Variants in NKX6-3 observed in about 807,000 individuals in gnomAD.
The protein encoded by NKX6-3 is homeobox protein Nkx-6.3.
In NKX6-3, 17 loss-of-function variants were observed where a neutral mutation model predicts 22.0. The ratio of observed to expected loss-of-function variants is 0.77; its 90% CI spans 0.53 to 1.16. NKX6-3 has a LOEUF of 1.16. NKX6-3 is among the 50% of genes most tolerant of loss of function. NKX6-3 has a pLI of 0.00. For missense variants in NKX6-3, 363 were observed against 359.0 expected (o/e 1.01, Z -0.09); for synonymous variants, 177 against 167.2 (o/e 1.06, Z -0.45).
intron 1 of NKX6-3, among the ~76,000 whole-genome samples, chr8:41,649,149 C>T (rs567070032): frequency 1.9e-4 from 29 of 152,256 alleles, no homozygotes; most frequent in African/African-American, 6.5e-4. Context: ...AGAGAGGAGG[C>T]CTTCACCCCC....
Position 41,646,624 on chromosome 8 carries a change from C to T in NKX6-3, c.623G>A (p.Arg208Gln), listed in dbSNP as rs376394761. The T allele has an allele frequency of 2.0e-4, 310 of 1,558,118 alleles. No homozygotes were observed. The African/African-American group carries it at 3.6e-3, about 18-fold the overall frequency. ...GCCTGCACCCGCGCCGCCCGGGGCCCGGGGCGTGGAGGACGAGGGCTCCAG... is the reference window on the plus strand; with the variant it reads ...GCCTGCACCCGCGCCGCCCGGGGCCTGGGGCGTGGAGGACGAGGGCTCCAG... ...SALEPSSSTP[R>Q]APGGAGAGAG... Residue 208 changes from arginine to glutamine, a missense_variant, in exon 3 of 3, where the codon CGG becomes CAG. Arg to Gln is a conservative substitution (Grantham distance 43, BLOSUM62 1). Coordinates refer to ENST00000518699, the MANE Select transcript of NKX6-3 (RefSeq NM_001364841.2).
rs1276390462 is a variant in NKX6-3 at position 41,648,005 on chromosome 8, TG to T, written c.552+60del. 8 of 1,437,500 alleles carry T rather than the reference TG, an allele frequency of 5.6e-6. 1 individual carries two copies. The African/African-American group carries it at 9.8e-5, about 18-fold the overall frequency. The allele number at this position is 1,437,500 out of a possible 1,614,324, so 89.0% of individuals were successfully genotyped here. On this transcript the variant is annotated intron_variant, in intron 2 of 2. Transcript: ENST00000518699. ...GTGTGGCCACCTCTCTCCAACGCAG[TG>T]GCCTCCTGTCCGGCAGGCTCCTCCC...
Position 41,650,372 on chromosome 8 carries a change from G to A in NKX6-3, c.121C>T (p.Pro41Ser), listed in dbSNP as rs751853278. 8 of 1,535,144 alleles carry A rather than the reference G, an allele frequency of 5.2e-6. No homozygotes were observed. The highest frequency in any genetic ancestry group is 2.7e-5 in the African/African-American group (2 of 73,146). ...VQNSFYKLSP[P>S]GLGPQLAAGT... ...GCGGCCAGCTGGGGGCCCAGCCCTG[G>A]GGGGCTGAGCTTGTAGAAGGAGTTC... Residue 41 changes from proline to serine, a missense_variant, in exon 1 of 3, where the codon CCA becomes TCA. Physicochemically the swap from Pro to Ser is moderately conservative, Grantham distance 74. Coordinates refer to ENST00000518699, the MANE Select transcript of NKX6-3 (RefSeq NM_001364841.2).
In NKX6-3 at chr8:41,650,341, G is replaced by A. The variant is rs766706383; in HGVS notation, c.152C>T (p.Thr51Ile). 7.6e-5 allele frequency: 117 copies of A among 1,534,888 alleles called. No individual in the cohort carries two copies. Among genetic ancestry groups the A allele is most frequent in the Non-Finnish European group, 9.7e-5 (111 of 1,146,300 alleles). The change falls in exon 1 of 3, where the codon ACC becomes ATC. Residue 51 changes from threonine (T) to isoleucine (I), a missense_variant. Physicochemically the swap from Thr to Ile is moderately conservative, Grantham distance 89. Around this residue, in one of 3 missense-constraint regions of NKX6-3, gnomAD observed 175 missense variants for 160.9 expected, o/e 1.09. Coordinates refer to ENST00000518699, the MANE Select transcript of NKX6-3 (RefSeq NM_001364841.2). ...PGLGPQLAAG[T>I]PHGITDILSR... is the part of the protein sequence containing the mutation. ...CAGGATGTCCGTGATCCCGTGGGGG[G>A]TTCCGGCGGCCAGCTGGGGGCCCAG...
chr8:41,650,623 A>C lies in NKX6-3; in HGVS notation c.-131T>G. 3 of 938,674 alleles carry C rather than the reference A, an allele frequency of 3.2e-6. No individual in the cohort carries two copies. The highest frequency in any genetic ancestry group is 4.6e-6 in the Non-Finnish European group (3 of 645,752). The allele number at this position is 938,674 out of a possible 1,614,324, so 58.1% of individuals were successfully genotyped here. On this transcript the variant is annotated 5_prime_UTR_variant, in exon 1 of 3. Coordinates refer to ENST00000518699, the MANE Select transcript of NKX6-3 (RefSeq NM_001364841.2). ...CGAGCTCCTGACTGCCTCCCACCTA[A>C]GGCATGGGCCAGGCCCTGGCCCAGG... is the stretch of plus-strand genomic sequence containing the variant.
chr8:41,648,730 C>T (rs1322314502), intron 1 of NKX6-3, among the ~76,000 whole-genome samples: 4 of 152,222 alleles, frequency 2.6e-5, no homozygotes, highest in Admixed American at 2.0e-4. Context: ...TGCCACTTCC[C>T]CATGTCACCA....
At chr8:41,649,074 T>C (rs1223024613) in intron 1 of NKX6-3, among the ~76,000 whole-genome samples, 1 of 151,396 alleles carries the variant, frequency 6.6e-6, no homozygotes, top group Admixed American at 6.6e-5. Flanking sequence ...GAGGGGGAGA[T>C]GGAGGGAAGA....
rs1271860917 is a variant in NKX6-3, at chr8:41,646,574, C to T, written c.673G>A (p.Glu225Lys). 1 of 1,596,948 alleles carries T rather than the reference C, an allele frequency of 6.3e-7. No individual in the cohort carries two copies. The highest frequency in any genetic ancestry group is 1.7e-5 in the Admixed American group (1 of 57,476). Residue 225 changes from glutamate (E) to lysine (K), a missense_variant, in exon 3 of 3, where the codon GAG becomes AAG. By Grantham distance (56) the Glu-to-Lys change is moderately conservative. Coordinates refer to ENST00000518699, the MANE Select transcript of NKX6-3 (RefSeq NM_001364841.2). Reference protein sequence around the residue: ...AGAGGDRAPSENEDDEYNKPL... With the variant: ...AGAGGDRAPSKNEDDEYNKPL... ...TTGTTGTACTCGTCGTCCTCGTTCT[C>T]CGAGGGTGCGCGGTCCCCGCCTGCG... is the stretch of plus-strand genomic sequence containing the variant.
intron 1 of NKX6-3, among the ~76,000 whole-genome samples, chr8:41,648,630 AC>A (rs1304757694): frequency 6.6e-6 from 1 of 152,140 alleles, no homozygotes; most frequent in Non-Finnish European, 1.5e-5. Context: ...AATTCCCTCC[AC>A]CCCCGGCTTC....
In NKX6-3 at chr8:41,646,553, T is replaced by C. The variant is rs368688373; in HGVS notation, c.694A>G (p.Asn232Asp). 1 of 1,610,252 alleles carries C rather than the reference T, an allele frequency of 6.2e-7. No homozygotes were observed. Among genetic ancestry groups the C allele is most frequent in the Non-Finnish European group, 8.5e-7 (1 of 1,178,632 alleles). The change falls in exon 3 of 3, where the codon AAC becomes GAC. Residue 232 changes from asparagine to aspartate, a missense_variant. By Grantham distance (23) the Asn-to-Asp change is conservative. Transcript: ENST00000518699. ...APSENEDDEY[N>D]KPLDPDSDDE... Reference sequence around the variant, plus strand: ...TCCGAGTCGGGGTCCAGCGGCTTGTTGTACTCGTCGTCCTCGTTCTCCGAG... The same window carrying C: ...TCCGAGTCGGGGTCCAGCGGCTTGTCGTACTCGTCGTCCTCGTTCTCCGAG...
Position 41,650,290 on chromosome 8 carries a change from T to G in NKX6-3, c.203A>C (p.Asn68Thr). The change falls in exon 1 of 3, where the codon AAC (asparagine) becomes ACC (threonine). Residue 68 changes from asparagine to threonine, a missense_variant. By Grantham distance (65) the Asn-to-Thr change is moderately conservative. Transcript: ENST00000518699. ...ILSRPVAAPNNSLLSGYPHVA... is the reference protein window; with the variant it reads ...ILSRPVAAPNTSLLSGYPHVA... ...GTGGGGGTAGCCGGAGAGGAGGCTGTTGTTCGGCGCAGCCACGGGCCTGCT... is the reference window on the plus strand; with the variant it reads ...GTGGGGGTAGCCGGAGAGGAGGCTGGTGTTCGGCGCAGCCACGGGCCTGCT... 6.5e-7 allele frequency: 1 copy of G among 1,534,458 alleles called. No homozygotes were observed. Among genetic ancestry groups the G allele is most frequent in the Non-Finnish European group, 8.7e-7 (1 of 1,146,056 alleles).
intron 1 of NKX6-3, among the ~76,000 whole-genome samples, 186 bp downstream of exon 1, chr8:41,649,925 T>C (rs1322284746): frequency 6.6e-6 from 1 of 152,108 alleles, no homozygotes; most frequent in Non-Finnish European, 1.5e-5. Flanking sequence ...GTCCAAGCAC[T>C]GCTGGATGGG....
At chr8:41,648,632 C>T (rs984140529) in intron 1 of NKX6-3, among the ~76,000 whole-genome samples, 1 of 152,222 alleles carries the variant, frequency 6.6e-6, no homozygotes, top group African/African-American at 2.4e-5. Context: ...TTCCCTCCAC[C>T]CCCGGCTTCC....
Position 41,646,625 on chromosome 8 carries a change from G to C in NKX6-3, c.622C>G (p.Arg208Gly). ...CCTGCACCCGCGCCGCCCGGGGCCCGGGGCGTGGAGGACGAGGGCTCCAGG... is the reference window on the plus strand; with the variant it reads ...CCTGCACCCGCGCCGCCCGGGGCCCCGGGCGTGGAGGACGAGGGCTCCAGG... ...SALEPSSSTPRAPGGAGAGAG... is the reference protein window; with the variant it reads ...SALEPSSSTPGAPGGAGAGAG... The change falls in exon 3 of 3, where the codon CGG becomes GGG. Residue 208 changes from arginine to glycine, a missense_variant. Arg to Gly is a moderately radical substitution (Grantham distance 125). Transcript: ENST00000518699. 6.4e-7 allele frequency: 1 copy of C among 1,556,592 alleles called. No individual in the cohort carries two copies. Among genetic ancestry groups the C allele is most frequent in the Non-Finnish European group, 8.7e-7 (1 of 1,151,068 alleles).
rs1439499189 is a variant in NKX6-3, at chr8:41,647,433, C to T, written c.552+633G>A. 3.8e-5 allele frequency: 54 copies of T among 1,405,380 alleles called. No homozygotes were observed. In the South Asian group the frequency reaches 5.1e-4, roughly 13 times the overall value. The allele number at this position is 1,405,380 out of a possible 1,614,324, so 87.1% of individuals were successfully genotyped here. A position where few individuals can be genotyped will look rare whatever the true frequency, so the allele number is the denominator to read the frequency against. On this transcript the variant is annotated intron_variant, in intron 2 of 2. Coordinates refer to ENST00000518699, the MANE Select transcript of NKX6-3 (RefSeq NM_001364841.2). ...CCCCAGACTCTAAGGCGGTAGAAAC[C>T]GGTTTCCCCGGGTCTATTTAGGGGG...
chr8:41,648,281 C>G (rs868041304), intron 1 of NKX6-3, 46 bp from the exon 2 acceptor site: 4 of 1,485,438 alleles, frequency 2.7e-6, no homozygotes, highest in Middle Eastern at 1.7e-4. Context: ...AAGTGGGGAC[C>G]CTGCGGCTAG....
At chr8:41,647,232 C>A (rs765208167) in intron 2 of NKX6-3, 1 of 1,611,904 alleles carries the variant, frequency 6.2e-7, no homozygotes, top group East Asian at 2.2e-5. Context: ...TCTGCTTCTT[C>A]CCCCCAGCTC....
chr8:41,649,460 C>G (rs560634476), intron 1 of NKX6-3, among the ~76,000 whole-genome samples: 33 of 152,346 alleles, frequency 2.2e-4, no homozygotes, highest in Non-Finnish European at 5.9e-5. Context: ...GGCCCACCCT[C>G]TGAAAACCTT....
chr8:41,647,233 C>G, intron 2 of NKX6-3: 9 of 1,612,232 alleles, frequency 5.6e-6, no homozygotes, highest in Non-Finnish European at 7.6e-6. Flanking sequence ...CTGCTTCTTC[C>G]CCCCAGCTCT....
Sources: allele counts gnomAD v4.1 joint callset (sites outside exome capture counted in the v4.1 genomes callset), GRCh38; gene constraint gnomAD v4.1.1; regional missense constraint gnomAD v4.1.1; transcripts MANE v1.5; gene names NCBI Gene and HGNC (gene_info 2026-07-23, HGNC 2026-07-21).